ZNF407: variants seen among roughly 807,000 people sequenced by gnomAD.
ZNF407 encodes zinc finger protein 407.
In ZNF407, 17 loss-of-function variants were observed where a neutral mutation model predicts 131.2. That is an observed-to-expected ratio of 0.13 (90% CI 0.09 to 0.19). ZNF407 has a LOEUF of 0.19. Ranked by LOEUF, ZNF407 falls within the 10% of genes least tolerant of loss-of-function variation. The probability of loss-of-function intolerance (pLI) is 1.00; values close to 1 mark genes in which losing one functional copy is unlikely to be tolerated. For missense variants in ZNF407, 2,681 were observed against 2,830.6 expected, an observed-to-expected ratio of 0.95 and a Z score of 1.20; for synonymous variants, 1,156 against 1,062.0, an observed-to-expected ratio of 1.09 and a Z score of -1.72.
At chr18:74,820,500 A>G (rs1054194737) in intron 4 of ZNF407, among the ~76,000 whole-genome samples, 6 of 152,222 alleles carry the variant, frequency 3.9e-5, no homozygotes, top group Non-Finnish European at 5.9e-5. Context: ...GTTCACTGTC[A>G]CTAATGTTAC....
At chr18:74,786,800 T>G (rs1316725433) in intron 4 of ZNF407, among the ~76,000 whole-genome samples, 1 of 130,396 alleles carries the variant, frequency 7.7e-6, no homozygotes, top group African/African-American at 2.9e-5. Context: ...TATGTTTTTT[T>G]TTTTTTTTTT....
rs542043174 is a variant in ZNF407 at position 74,713,703 on chromosome 18, C to T, written c.4803-67725C>T. ...ATAATATCTCCCAAATTTTGTAATACGTGTACAAACAGACCGTGCTATAGA... is the reference window on the plus strand; with the variant it reads ...ATAATATCTCCCAAATTTTGTAATATGTGTACAAACAGACCGTGCTATAGA... On this transcript the variant is annotated intron_variant, in intron 3 of 8. Transcript: ENST00000299687. Among the ~76,000 whole-genome samples the T allele has an allele frequency of 3.9e-3, 596 of 152,112 alleles. 12 individuals are homozygous for T. The highest frequency in any genetic ancestry group is 0.037 in the South Asian group (178 of 4,826).
chr18:74,672,478 ACCGTTTGT>A (rs1445493761), intron 3 of ZNF407, among the ~76,000 whole-genome samples: 7 of 144,762 alleles, frequency 4.8e-5, no homozygotes, highest in South Asian at 2.2e-4. Context: ...TCATTGGAGC[ACCGTTTGT>A]CTGTTCGTTG....
chr18:75,026,905 T>A (rs1973177719), intron 8 of ZNF407, among the ~76,000 whole-genome samples: 1 of 152,184 alleles, frequency 6.6e-6, no homozygotes, highest in Admixed American at 6.5e-5. Flanking sequence ...CAGCTGGGTG[T>A]CAGTCCCTGT....
intron 4 of ZNF407, chr18:74,803,994 G>T: frequency 6.4e-7 from 1 of 1,551,794 alleles, no homozygotes; most frequent in South Asian, 1.2e-5. Context: ...AGATCGGGAC[G>T]TTGCCAGGAA....
intron 4 of ZNF407, among the ~76,000 whole-genome samples, chr18:74,868,224 A>G (rs563293554): frequency 6.6e-6 from 1 of 152,352 alleles, no homozygotes; most frequent in South Asian, 2.1e-4. Context: ...GCTATAGCTA[A>G]CATGCTGTTT....
chr18:74,637,455 A>G (rs1303700872), intron 2 of ZNF407, among the ~76,000 whole-genome samples: 2 of 152,132 alleles, frequency 1.3e-5, no homozygotes, highest in African/African-American at 2.4e-5. Context: ...CTACTTATAT[A>G]AGTTACATCA....
chr18:74,940,819 C>G (rs1972089569), intron 8 of ZNF407, among the ~76,000 whole-genome samples: 1 of 152,176 alleles, frequency 6.6e-6, no homozygotes, highest in South Asian at 2.1e-4. Flanking sequence ...CCTCAGCCCC[C>G]TGAGCCAACC....
intron 1 of ZNF407, among the ~76,000 whole-genome samples, chr18:74,601,404 G>A (rs1005566386): frequency 1.3e-5 from 2 of 151,624 alleles, no homozygotes; most frequent in African/African-American, 4.8e-5. Flanking sequence ...TCATGTGTAT[G>A]CATCCCAAGT....
At chr18:74,899,386 G>C (rs544719757) in intron 7 of ZNF407, among the ~76,000 whole-genome samples, 5 of 152,138 alleles carry the variant, frequency 3.3e-5, no homozygotes, top group African/African-American at 1.2e-4. Flanking sequence ...ATGGACTGAG[G>C]GGAGGGTGAC....
chr18:74,909,005 C>T (rs1971632983), intron 7 of ZNF407, among the ~76,000 whole-genome samples: 1 of 151,492 alleles, frequency 6.6e-6, no homozygotes. Flanking sequence ...ATTTTGGAAT[C>T]ATATTACAAA....
At position 74,703,226 on chromosome 18, in the gene ZNF407, T is replaced by C. The variant is rs1233876517; in HGVS notation, c.4802+62104T>C. On this transcript the variant is annotated intron_variant, in intron 3 of 8. Transcript: ENST00000299687. This position sits in a 1 kb window ranked among gnomAD's most constrained non-coding sequence, Gnocchi z 4.1. Reference sequence around the variant, plus strand: ...ATTTCTCACAAGAACCTGCCTCATGTCCCACCCAACTAGATGTGTAAGGAA... The same window carrying C: ...ATTTCTCACAAGAACCTGCCTCATGCCCCACCCAACTAGATGTGTAAGGAA... Among the ~76,000 whole-genome samples the C allele has an allele frequency of 6.6e-6, 1 of 152,184 alleles. No individual in the cohort carries two copies. Among genetic ancestry groups the C allele is most frequent in the Non-Finnish European group, 1.5e-5 (1 of 68,020 alleles).
intron 3 of ZNF407, among the ~76,000 whole-genome samples, chr18:74,699,572 G>C (rs1315576162): frequency 6.6e-6 from 1 of 152,098 alleles, no homozygotes; most frequent in African/African-American, 2.4e-5. Flanking sequence ...GAGGAGTGGA[G>C]AATTAGGGAG....
At position 74,885,781 on chromosome 18, in the gene ZNF407, T is replaced by C. The variant is rs183811366; in HGVS notation, c.5129-4137T>C. On this transcript the variant is annotated intron_variant, in intron 6 of 8. Transcript: ENST00000299687. The stretch of plus-strand genomic sequence containing the variant: ...ATCTATGTGCAATGAAAATGAACTT[T>C]GACCCATACTTTGTACCGTATACAA... Among the ~76,000 whole-genome samples the C allele has an allele frequency of 2.6e-5, 4 of 152,334 alleles. No individual in the cohort carries two copies. The East Asian group carries it at 7.7e-4, about 29-fold the overall frequency.
intron 4 of ZNF407, among the ~76,000 whole-genome samples, chr18:74,841,738 T>G (rs1480738874): frequency 6.6e-6 from 1 of 152,194 alleles, no homozygotes; most frequent in African/African-American, 2.4e-5. Flanking sequence ...CACTGATGAA[T>G]TTGAGCCATG....
chr18:74,937,456 A>G (rs1025218616), intron 8 of ZNF407, among the ~76,000 whole-genome samples: 3 of 152,226 alleles, frequency 2.0e-5, no homozygotes, highest in Non-Finnish European at 2.9e-5. Context: ...TATAACCACT[A>G]TTATGCTACT....
intron 8 of ZNF407, chr18:75,062,803 T>C (rs1245933123): frequency 4.6e-5 from 9 of 196,786 alleles, no homozygotes; most frequent in African/African-American, 9.6e-5. Flanking sequence ...ACGGAACGCA[T>C]TGTTACAAAA....
intron 4 of ZNF407, among the ~76,000 whole-genome samples, chr18:74,798,735 C>G (rs1010009266): frequency 9.2e-5 from 14 of 151,996 alleles, no homozygotes; most frequent in African/African-American, 2.4e-4. Context: ...GAAAAACAGT[C>G]TTTATTATTT....
At chr18:74,773,119 G>A (rs548162) in intron 3 of ZNF407, among the ~76,000 whole-genome samples, 2,397 of 152,274 alleles carry the variant, frequency 0.016, 73 homozygotes, top group African/African-American at 0.053. Flanking sequence ...CATCCACAAG[G>A]AGGTTATGCT....
Sources: gnomAD v4.1 joint callset for allele counts (sites outside exome capture counted in the v4.1 genomes callset) on GRCh38, gnomAD v4.1.1 for gene constraint, Gnocchi (gnomAD v3.1) non-coding constraint, MANE v1.5 for transcripts, NCBI Gene and HGNC (gene_info 2026-07-23, HGNC 2026-07-21) for gene names.